The following GORASP2 variants were observed in gnomAD, a reference collection of about 807,000 sequenced individuals.
The protein encoded by GORASP2 is golgi reassembly stacking protein 2.
Under a neutral mutation model 45.7 loss-of-function variants are expected in GORASP2, and 22 were observed. The observed-to-expected ratio is 0.48, with a 90% CI of 0.34 to 0.69. The LOEUF is 0.69. Among genes scored for constraint, GORASP2 ranks in the 30% least tolerant of loss-of-function variants. GORASP2 has a pLI of 0.01. For missense variants in GORASP2, 491 were observed against 562.7 expected (o/e 0.87, Z 1.29); for synonymous variants, 221 against 215.6 (o/e 1.02, Z -0.22).
At chr2:170,944,745 C>T (rs1294398482) in intron 1 of GORASP2, among the ~76,000 whole-genome samples, 3 of 152,104 alleles carry the variant, frequency 2.0e-5, no homozygotes, top group Non-Finnish European at 4.4e-5. Flanking sequence ...AAAAGGTAAA[C>T]TTCTGGCAGT....
At chr2:170,949,462 T>C (rs1264472464) in intron 2 of GORASP2, 77 bp from the exon 3 acceptor site, 4 of 914,968 alleles carry the variant, frequency 4.4e-6, no homozygotes, top group Admixed American at 4.1e-5. Context: ...TTAATATTAC[T>C]CTTATAGGGC....
intron 7 of GORASP2, among the ~76,000 whole-genome samples, chr2:170,957,399 C>T (rs1262765954): frequency 6.6e-6 from 1 of 152,198 alleles, no homozygotes; most frequent in African/African-American, 2.4e-5. Flanking sequence ...GCCTCAGCCT[C>T]CCAAGTGGCA....
Position 170,966,007 on chromosome 2 carries a change from G to T in GORASP2, c.1236G>T (p.Val412=). The stretch of plus-strand genomic sequence containing the variant: ...CAGACGCTGCCTCCTCACTCACTGT[G>T]GATGTGACGCCCCCCACTGCCAAGG... ...AKADAASSLT[V]DVTPPTAKAP... is the part of the protein sequence containing the mutation. The change falls in exon 10 of 10, where the codon GTG becomes GTT. Residue 412 remains valine (V), a synonymous_variant. Transcript: ENST00000234160. 8.7e-6 allele frequency: 14 copies of T among 1,613,986 alleles called. No homozygotes were observed. Among genetic ancestry groups the T allele is most frequent in the Non-Finnish European group, 1.2e-5 (14 of 1,179,924 alleles).
At chr2:170,943,792 C>G (rs143498800) in intron 1 of GORASP2, among the ~76,000 whole-genome samples, 1 of 152,178 alleles carries the variant, frequency 6.6e-6, no homozygotes, top group Admixed American at 6.5e-5. Context: ...CCCGCCTTAG[C>G]TTCCTGAGTT....
intron 1 of GORASP2, chr2:170,936,692 A>G (rs771514974): frequency 1.6e-6 from 2 of 1,254,304 alleles, no homozygotes; most frequent in South Asian, 1.2e-5. Context: ...AATGGTGTGC[A>G]CCTGTAATCC....
At chr2:170,941,603 T>C (rs1186960904) in intron 1 of GORASP2, among the ~76,000 whole-genome samples, 1 of 152,168 alleles carries the variant, frequency 6.6e-6, no homozygotes, top group Non-Finnish European at 1.5e-5. Context: ...TCTTGTACTT[T>C]GTATAAGGGG....
chr2:170,937,026 G>T (rs990208340), intron 1 of GORASP2, among the ~76,000 whole-genome samples: 1 of 152,070 alleles, frequency 6.6e-6, no homozygotes, highest in African/African-American at 2.4e-5. Flanking sequence ...TGGCCAACAT[G>T]GTGAAACCCC....
intron 1 of GORASP2, chr2:170,929,801 C>A (rs1559304944): frequency 2.1e-6 from 1 of 475,994 alleles, no homozygotes. Context: ...TGAAGGCAGC[C>A]TTTGCGCTTT....
chr2:170,942,934 C>CT (rs1054658978), intron 1 of GORASP2, among the ~76,000 whole-genome samples: 19 of 152,162 alleles, frequency 1.2e-4, no homozygotes, highest in Admixed American at 1.3e-4. Flanking sequence ...GTTTTATTGT[C>CT]TGTCTTTCTG....
intron 1 of GORASP2, among the ~76,000 whole-genome samples, chr2:170,942,258 A>G (rs534106244): frequency 6.6e-6 from 1 of 152,188 alleles, no homozygotes; most frequent in Non-Finnish European, 1.5e-5. Context: ...TCAGACTTCT[A>G]AAGTATACAG....
At chr2:170,935,841 G>T (rs1703936870) in intron 1 of GORASP2, among the ~76,000 whole-genome samples, 1 of 152,192 alleles carries the variant, frequency 6.6e-6, no homozygotes. Flanking sequence ...CTCACAAAGT[G>T]CTGGGGTTAC....
At chr2:170,963,779 A>G (rs1704625853) in intron 9 of GORASP2, among the ~76,000 whole-genome samples, 1 of 151,996 alleles carries the variant, frequency 6.6e-6, no homozygotes, top group South Asian at 2.1e-4. Flanking sequence ...AGTAGCTGGG[A>G]CTACATGCAC....
upstream of GORASP2, chr2:170,929,010 G>A: frequency 3.7e-6 from 1 of 271,418 alleles, no homozygotes; most frequent in Non-Finnish European, 6.9e-6. Flanking sequence ...CCAGGGCCCC[G>A]TAGCAAGGCG....
intron 1 of GORASP2, among the ~76,000 whole-genome samples, chr2:170,937,356 G>A (rs1262973648): frequency 3.3e-5 from 5 of 152,230 alleles, no homozygotes; most frequent in South Asian, 2.1e-4. Context: ...CTACAGGTGC[G>A]TACCACCACA....
At chr2:170,946,465 A>G (rs1281451507) in intron 1 of GORASP2, among the ~76,000 whole-genome samples, 1 of 152,220 alleles carries the variant, frequency 6.6e-6, no homozygotes, top group African/African-American at 2.4e-5. Flanking sequence ...AAAATTTGAC[A>G]GTCCATTATC....
At chr2:170,951,526 A>T in intron 5 of GORASP2, 68 bp downstream of exon 5, 1 of 1,187,764 alleles carries the variant, frequency 8.4e-7, no homozygotes, top group Non-Finnish European at 1.2e-6. Flanking sequence ...GCAGACATTG[A>T]TTGTTTTTAT....
At chr2:170,936,944 C>G (rs1003169181) in intron 1 of GORASP2, among the ~76,000 whole-genome samples, 3 of 152,148 alleles carry the variant, frequency 2.0e-5, no homozygotes, top group African/African-American at 7.2e-5. Flanking sequence ...TGCGGTGGCT[C>G]ACGCCTGTAA....
At chr2:170,936,716 C>A in intron 1 of GORASP2, 1 of 1,048,756 alleles carries the variant, frequency 9.5e-7, no homozygotes, top group Non-Finnish European at 1.3e-6. Context: ...CTACTCCAAT[C>A]AGGAGACTGA....
intron 7 of GORASP2, among the ~76,000 whole-genome samples, chr2:170,958,917 G>A (rs1399622851): frequency 1.3e-5 from 2 of 152,018 alleles, no homozygotes; most frequent in Non-Finnish European, 1.5e-5. Context: ...TGACCCGCCC[G>A]CCTCTGCTGC....
Sources: gnomAD v4.1 joint callset for allele counts (sites outside exome capture counted in the v4.1 genomes callset) on GRCh38, gnomAD v4.1.1 for gene constraint, MANE v1.5 for transcripts, NCBI Gene and HGNC (gene_info 2026-07-23, HGNC 2026-07-21) for gene names.